The following PTPRD variants were observed in gnomAD, a reference collection of about 807,000 sequenced individuals.
PTPRD encodes the protein receptor-type tyrosine-protein phosphatase delta.
A neutral mutation model predicts 214.5 loss-of-function variants in PTPRD; 34 were observed. The observed-to-expected ratio is 0.16, with a 90% CI of 0.12 to 0.21. The LOEUF is 0.21. PTPRD is among the 10% of genes least tolerant of loss of function. PTPRD has a pLI of 1.00. For synonymous variants in PTPRD, 1,128 were observed against 845.7 expected (o/e 1.33, Z -5.79); for missense variants, 2,545 against 2,398.7 (o/e 1.06, Z -1.27).
intron 11 of PTPRD, among the ~76,000 whole-genome samples, chr9:8,823,885 C>T (rs2097125523): frequency 6.6e-6 from 1 of 152,046 alleles, no homozygotes; most frequent in African/African-American, 2.4e-5. Context: ...CAGAGTAGTC[C>T]CAAGGGCTGC....
intron 11 of PTPRD, among the ~76,000 whole-genome samples, chr9:8,805,832 A>G (rs1343873351): frequency 6.6e-6 from 1 of 151,088 alleles, no homozygotes; most frequent in Non-Finnish European, 1.5e-5. Flanking sequence ...CGTCTCTAGT[A>G]GAAATACAAA....
At chr9:8,445,551 C>T (rs1479013949) in intron 34 of PTPRD, among the ~76,000 whole-genome samples, 4 of 151,960 alleles carry the variant, frequency 2.6e-5, no homozygotes, top group Admixed American at 6.6e-5. Flanking sequence ...TAAATGTTCC[C>T]GTATATTTGT....
chr9:9,215,937 G>A (rs985729398), intron 9 of PTPRD, among the ~76,000 whole-genome samples: 1 of 152,050 alleles, frequency 6.6e-6, no homozygotes, highest in African/African-American at 2.4e-5. Context: ...CTAGATGAGG[G>A]GCAAGAAATA....
chr9:9,338,171 G>C (rs1191611807), intron 9 of PTPRD, among the ~76,000 whole-genome samples: 5 of 152,156 alleles, frequency 3.3e-5, no homozygotes, highest in African/African-American at 1.2e-4. Flanking sequence ...ACAGCCTCTA[G>C]AGCAATGCTC....
At chr9:8,805,225 C>T (rs574327845) in intron 11 of PTPRD, among the ~76,000 whole-genome samples, 16 of 152,260 alleles carry the variant, frequency 1.1e-4, no homozygotes, top group Admixed American at 9.8e-4. Context: ...TGGTATTACC[C>T]AAATTACAGT....
chr9:9,547,509 T>A lies in PTPRD; in HGVS notation c.-237+27223A>T, dbSNP rs573197676. ...CTCACTTGTAAAACATCGATAATAA[T>A]AGGGTCTACTTTCAACTGTTTGAGG... On this transcript the variant is annotated intron_variant, in intron 8 of 45. Transcript: ENST00000381196. 2.6e-5 allele frequency among the ~76,000 whole-genome samples: 4 copies of A among 152,088 alleles called. No homozygotes were observed. The South Asian group carries it at 8.3e-4, about 32-fold the overall frequency.
At chr9:9,791,155 C>A (rs1597925980) in intron 5 of PTPRD, among the ~76,000 whole-genome samples, 1 of 151,958 alleles carries the variant, frequency 6.6e-6, no homozygotes, top group East Asian at 1.9e-4. Context: ...TGTTATGCTG[C>A]ATATAGCCAT....
chr9:10,391,554 T>C (rs1238337444), intron 2 of PTPRD, among the ~76,000 whole-genome samples: 1 of 151,752 alleles, frequency 6.6e-6, no homozygotes, highest in Non-Finnish European at 1.5e-5. Flanking sequence ...AATGCCTGTA[T>C]AGTCAATAGT....
chr9:9,544,178 C>G lies in PTPRD; in HGVS notation c.-237+30554G>C, dbSNP rs1183084487. On this transcript the variant is annotated intron_variant, in intron 8 of 45. Transcript: ENST00000381196. The stretch of plus-strand genomic sequence containing the variant: ...CCAAACTATTTTCTATAAAACAGTA[C>G]TTTTATTTATATCCGTGGATTTTAC... Among the ~76,000 whole-genome samples, 8 of 151,540 alleles carry G rather than the reference C, an allele frequency of 5.3e-5. No individual in the cohort carries two copies. In the South Asian group the frequency reaches 1.7e-3, roughly 31 times the overall value.
At chr9:9,670,185 T>A (rs926853817) in intron 7 of PTPRD, among the ~76,000 whole-genome samples, 1 of 152,136 alleles carries the variant, frequency 6.6e-6, no homozygotes, top group African/African-American at 2.4e-5. Context: ...TTGTGTTTAA[T>A]GTAGAAGCAA....
At chr9:10,452,535 T>A (rs926104907) in intron 2 of PTPRD, among the ~76,000 whole-genome samples, 1 of 151,870 alleles carries the variant, frequency 6.6e-6, no homozygotes, top group African/African-American at 2.4e-5. Flanking sequence ...AAGGAATATC[T>A]CATTGTACTT....
chr9:8,462,354 C>T (rs534692130), intron 32 of PTPRD, among the ~76,000 whole-genome samples: 1 of 152,068 alleles, frequency 6.6e-6, no homozygotes, highest in African/African-American at 2.4e-5. Flanking sequence ...TTTCTTTAGG[C>T]CCTTACTTAT....
At chr9:9,307,952 G>C (rs1043669686) in intron 9 of PTPRD, among the ~76,000 whole-genome samples, 2 of 151,986 alleles carry the variant, frequency 1.3e-5, no homozygotes, top group Non-Finnish European at 2.9e-5. Context: ...CCCTCCCCAC[G>C]CTGTGTAATA....
chr9:9,046,077 T>C (rs1031674385), intron 10 of PTPRD, among the ~76,000 whole-genome samples: 4 of 152,176 alleles, frequency 2.6e-5, no homozygotes, highest in Admixed American at 1.3e-4. Flanking sequence ...ATAACACTCA[T>C]GCTTTATTTT....
At chr9:8,658,297 C>A (rs958412690) in intron 12 of PTPRD, among the ~76,000 whole-genome samples, 1 of 151,992 alleles carries the variant, frequency 6.6e-6, no homozygotes, top group Non-Finnish European at 1.5e-5. Flanking sequence ...TTTTAAAATC[C>A]TTACTACTAG....
chr9:9,568,887 G>A (rs1375986055), intron 8 of PTPRD, among the ~76,000 whole-genome samples: 2 of 151,766 alleles, frequency 1.3e-5, no homozygotes, highest in Admixed American at 6.6e-5. Context: ...GTCCCTGTTA[G>A]CTGACTGTTT....
At chr9:9,410,696 G>A (rs2075113356) in intron 8 of PTPRD, among the ~76,000 whole-genome samples, 1 of 152,154 alleles carries the variant, frequency 6.6e-6, no homozygotes, top group Non-Finnish European at 1.5e-5. Context: ...CATGATGCTG[G>A]TTCATTGAAA....
intron 3 of PTPRD, among the ~76,000 whole-genome samples, chr9:10,040,721 G>A (rs1030483717): frequency 6.6e-6 from 1 of 151,984 alleles, no homozygotes; most frequent in Admixed American, 6.6e-5. Context: ...TTAAAAATGA[G>A]AGAGAAACAA....
Position 9,510,603 on chromosome 9 carries a change from T to C in PTPRD, c.-237+64129A>G, listed in dbSNP as rs576767546. Among the ~76,000 whole-genome samples, 44 of 151,752 alleles carry C rather than the reference T, an allele frequency of 2.9e-4. 1 individual carries two copies. The South Asian group carries it at 6.2e-3, about 21-fold the overall frequency. On this transcript the variant is annotated intron_variant, in intron 8 of 45. Transcript: ENST00000381196. ...TTAAAAAAAGTTTGGTCCTTTACTT[T>C]TAAATATCTTACTACCAGCCATTAA...
Sources: allele counts gnomAD v4.1 joint callset (sites outside exome capture counted in the v4.1 genomes callset), GRCh38; gene constraint gnomAD v4.1.1; transcripts MANE v1.5; gene names NCBI Gene and HGNC (gene_info 2026-07-23, HGNC 2026-07-21).